Variants in SH3GLB1 observed in about 807,000 individuals in gnomAD.
SH3GLB1 encodes the protein endophilin-B1.
SH3GLB1 carries 17 observed loss-of-function variants against 42.0 expected under a neutral mutation model. That is an observed-to-expected ratio of 0.40 (90% CI 0.28 to 0.61). The LOEUF (loss-of-function observed/expected upper bound fraction) is 0.61, where lower values mean the gene tolerates loss of function less well. Ranked by LOEUF, SH3GLB1 falls within the 20% of genes least tolerant of loss-of-function variation. SH3GLB1 has a pLI of 0.36. For missense variants in SH3GLB1, 355 were observed against 426.3 expected (o/e 0.83, Z 1.47); for synonymous variants, 132 against 146.6 (o/e 0.90, Z 0.72).
At chr1:86,726,273 C>G (rs1655189274) in intron 5 of SH3GLB1, among the ~76,000 whole-genome samples, 1 of 151,956 alleles carries the variant, frequency 6.6e-6, no homozygotes, top group African/African-American at 2.4e-5. Flanking sequence ...CAGGAATGAC[C>G]GTCTGCTTTT....
At position 86,723,809 on chromosome 1, in the gene SH3GLB1, G is replaced by A. The variant is rs146325491; in HGVS notation, c.478-504G>A. Reference sequence around the variant, plus strand: ...GCGTCAAGGAACCCTTGCCCCAGGCGTATACTTCCTTCTTTCTAGGCACTT... The same window carrying A: ...GCGTCAAGGAACCCTTGCCCCAGGCATATACTTCCTTCTTTCTAGGCACTT... On this transcript the variant is annotated intron_variant, in intron 4 of 8. Transcript: ENST00000370558. Among the ~76,000 whole-genome samples the A allele has an allele frequency of 1.2e-3, 188 of 152,268 alleles. 2 individuals are homozygous for A. The highest frequency in any genetic ancestry group is 0.01 in the Middle Eastern group (3 of 294).
At chr1:86,715,663 G>T in intron 1 of SH3GLB1, 61 bp from the exon 2 acceptor site, 1 of 1,501,478 alleles carries the variant, frequency 6.7e-7, no homozygotes, top group South Asian at 1.3e-5. Context: ...TTTACTTATT[G>T]ATATGGTTCC....
intron 1 of SH3GLB1, among the ~76,000 whole-genome samples, chr1:86,714,795 T>C (rs2101924211): frequency 6.6e-6 from 1 of 152,310 alleles, no homozygotes; most frequent in South Asian, 2.1e-4. Flanking sequence ...CCACATATTC[T>C]AGAGGAAAAT....
Position 86,746,086 on chromosome 1 carries a change from G to C in SH3GLB1, c.*2851G>C, listed in dbSNP as rs190126132. ...AATGAGGTCTCAAAAATGGGAATGT[G>C]CCTCCTCACTCTGCGTCACATGGGA... On this transcript the variant is annotated 3_prime_UTR_variant, in exon 9 of 9. Coordinates refer to ENST00000370558, the MANE Select transcript of SH3GLB1 (RefSeq NM_016009.5). 3.9e-4 allele frequency: 60 copies of C among 152,674 alleles called. No individual in the cohort carries two copies. The highest frequency in any genetic ancestry group is 1.4e-3 in the African/African-American group (60 of 41,540). The allele number at this position is 152,674 out of a possible 1,614,324, so 9.5% of individuals were successfully genotyped here. A position where few individuals can be genotyped will look rare whatever the true frequency, so the allele number is the denominator to read the frequency against.
At chr1:86,722,010 C>CT (rs377380040) in intron 3 of SH3GLB1, among the ~76,000 whole-genome samples, 2,065 of 111,590 alleles carry the variant, frequency 0.019, 36 homozygotes, top group Admixed American at 0.027. Context: ...AGGCAACCAT[C>CT]TTTTTTTTTT....
chr1:86,741,084 AAG>A (rs2101989262), intron 7 of SH3GLB1, among the ~76,000 whole-genome samples: 1 of 152,296 alleles, frequency 6.6e-6, no homozygotes, highest in East Asian at 1.9e-4. Flanking sequence ...GTTTAGGGAA[AAG>A]AGTCTAAAAA....
chr1:86,724,874 T>TAAAAAAAAAA lies in SH3GLB1; in HGVS notation c.570+479_570+488dup, dbSNP rs1165438979. Among the ~76,000 whole-genome samples, 665 of 97,788 alleles carry TAAAAAAAAAA rather than the reference T, an allele frequency of 6.8e-3. 18 individuals are homozygous for TAAAAAAAAAA. The highest frequency in any genetic ancestry group is 0.031 in the African/African-American group (631 of 20,150). The allele number at this position is 97,788 out of a possible 152,430, so 64.2% of individuals were successfully genotyped here. A position where few individuals can be genotyped will look rare whatever the true frequency, so the allele number is the denominator to read the frequency against. On this transcript the variant is annotated intron_variant, in intron 5 of 8. Transcript: ENST00000370558. ...GGGCAACAGAGCCAGACCCTGTCTT[T>TAAAAAAAAAA]AAAAAAAAAAAAAAAAAAATATATA...
chr1:86,724,023 G>A (rs1409983024), intron 4 of SH3GLB1, among the ~76,000 whole-genome samples: 5 of 152,100 alleles, frequency 3.3e-5, no homozygotes, highest in African/African-American at 4.8e-5. Flanking sequence ...TGTTCCCGAG[G>A]CAGGGACAGG....
chr1:86,737,676 C>T (rs1252532718), intron 7 of SH3GLB1, among the ~76,000 whole-genome samples: 3 of 152,138 alleles, frequency 2.0e-5, no homozygotes, highest in African/African-American at 7.2e-5. Flanking sequence ...AAAATTCCTG[C>T]CTTCCTGGAA....
chr1:86,720,305 T>G lies in SH3GLB1; in HGVS notation c.343+670T>G, dbSNP rs550391091. ...AGCTTTCTTAGGGCTTATTTTATGTTAAAGGTACTTGGCACGTAGTTCTTG... is the reference window on the plus strand; with the variant it reads ...AGCTTTCTTAGGGCTTATTTTATGTGAAAGGTACTTGGCACGTAGTTCTTG... On this transcript the variant is annotated intron_variant, in intron 3 of 8. Coordinates refer to ENST00000370558, the MANE Select transcript of SH3GLB1 (RefSeq NM_016009.5). Among the ~76,000 whole-genome samples the G allele has an allele frequency of 1.6e-3, 239 of 152,322 alleles. 12 individuals are homozygous for G. The South Asian group carries it at 0.048, about 31-fold the overall frequency.
rs1463048642 is a variant in SH3GLB1 at position 86,746,917 on chromosome 1, G to C, written c.*3682G>C. 6.6e-6 allele frequency: 1 copy of C among 152,272 alleles called. No individual in the cohort carries two copies. Among genetic ancestry groups the C allele is most frequent in the African/African-American group, 2.4e-5 (1 of 41,420 alleles). The allele number at this position is 152,272 out of a possible 1,614,324, so 9.4% of individuals were successfully genotyped here. ...AGTAGAGCAGTGATTGGCAAAGTGT[G>C]AGACCCCAGACCGGCAATATTGGCA... On this transcript the variant is annotated 3_prime_UTR_variant, in exon 9 of 9. Transcript: ENST00000370558.
chr1:86,735,475 G>A (rs1168669455), intron 7 of SH3GLB1, among the ~76,000 whole-genome samples: 2 of 152,128 alleles, frequency 1.3e-5, no homozygotes, highest in African/African-American at 4.8e-5. Context: ...GCTATTGGTT[G>A]AGGAAGATAT....
In SH3GLB1 at chr1:86,728,433, A is replaced by G; in HGVS notation, c.570+4028A>G. 3 of 1,560,978 alleles carry G rather than the reference A, an allele frequency of 1.9e-6. No individual in the cohort carries two copies. In the South Asian group the frequency reaches 3.6e-5, roughly 18 times the overall value. ...AAACTCAGCTCGCCTTGAAGGAGAT[A>G]ACATTATGGTAAATTTCTCTTACAT... is the stretch of plus-strand genomic sequence containing the variant. On this transcript the variant is annotated intron_variant, in intron 5 of 8. Transcript: ENST00000370558.
chr1:86,744,886 C>G lies in SH3GLB1; in HGVS notation c.*1651C>G, dbSNP rs891490957. On this transcript the variant is annotated 3_prime_UTR_variant, in exon 9 of 9. Transcript: ENST00000370558. The stretch of plus-strand genomic sequence containing the variant: ...TGTACAAGATGTTTTGACTCACTCT[C>G]AATTGCCATATTCTTAAAGAAACCC... 1 of 152,156 alleles carries G rather than the reference C, an allele frequency of 6.6e-6. No individual in the cohort carries two copies. The allele number at this position is 152,156 out of a possible 1,614,324, so 9.4% of individuals were successfully genotyped here.
At chr1:86,724,874 T>TAAAAAAAAAAAA (rs1165438979) in intron 5 of SH3GLB1, among the ~76,000 whole-genome samples, 29 of 97,912 alleles carry the variant, frequency 3.0e-4, no homozygotes, top group African/African-American at 1.3e-3. Context: ...ACCCTGTCTT[T>TAAAAAAAAAAAA]AAAAAAAAAA....
At chr1:86,735,790 G>A (rs1655751873) in intron 7 of SH3GLB1, among the ~76,000 whole-genome samples, 1 of 152,174 alleles carries the variant, frequency 6.6e-6, no homozygotes, top group Admixed American at 6.5e-5. Context: ...CACATTATAA[G>A]GTGACACTGA....
chr1:86,743,273 GTATTTA>G lies in SH3GLB1; in HGVS notation c.*42_*47del. 1 of 1,377,504 alleles carries G rather than the reference GTATTTA, an allele frequency of 7.3e-7. No individual in the cohort carries two copies. The highest frequency in any genetic ancestry group is 1.0e-6 in the Non-Finnish European group (1 of 996,672). 85.3% of individuals were successfully genotyped at this position (1,377,504 alleles called of 1,614,324 possible). A position where few individuals can be genotyped will look rare whatever the true frequency, so the allele number is the denominator to read the frequency against. On this transcript the variant is annotated 3_prime_UTR_variant, in exon 9 of 9. Transcript: ENST00000370558. ...TGGAAAGGTTGCCCATCATGACTTT[GTATTTA>G]TATACAATTAACTCTAAATAAAGCA...
At position 86,747,333 on chromosome 1, in the gene SH3GLB1, A is replaced by G. The variant is rs915116922; in HGVS notation, c.*4098A>G. 1.3e-5 allele frequency: 2 copies of G among 152,586 alleles called. No homozygotes were observed. Among genetic ancestry groups the G allele is most frequent in the Non-Finnish European group, 2.9e-5 (2 of 68,046 alleles). The allele number at this position is 152,586 out of a possible 1,614,324, so 9.5% of individuals were successfully genotyped here. A position where few individuals can be genotyped will look rare whatever the true frequency, so the allele number is the denominator to read the frequency against. ...GCCTTTTCAGAGACCTACTGAATCAAACTCTGAGAGTGGAGCCCAGCAATC... is the reference window on the plus strand; with the variant it reads ...GCCTTTTCAGAGACCTACTGAATCAGACTCTGAGAGTGGAGCCCAGCAATC... On this transcript the variant is annotated 3_prime_UTR_variant, in exon 9 of 9. Coordinates refer to ENST00000370558, the MANE Select transcript of SH3GLB1 (RefSeq NM_016009.5).
At chr1:86,731,623 T>A (rs190451358) in intron 5 of SH3GLB1, among the ~76,000 whole-genome samples, 18 of 152,264 alleles carry the variant, frequency 1.2e-4, no homozygotes, top group Admixed American at 3.9e-4. Context: ...CTGACTTGAT[T>A]TTGCAGTCTC....
Sources: gnomAD v4.1 joint callset for allele counts (sites outside exome capture counted in the v4.1 genomes callset) on GRCh38, gnomAD v4.1.1 for gene constraint, MANE v1.5 for transcripts, NCBI Gene and HGNC (gene_info 2026-07-23, HGNC 2026-07-21) for gene names.